Variants in SLC18A1 observed in about 807,000 individuals in gnomAD.
The protein encoded by SLC18A1 is solute carrier family 18 member A1, also known as chromaffin granule amine transporter.
SLC18A1 carries 69 observed loss-of-function variants against 53.7 expected under a neutral mutation model. That is an observed-to-expected ratio of 1.28 (90% CI 1.06 to 1.57). The LOEUF is 1.57. SLC18A1 is among the 40% of genes most tolerant of loss of function. SLC18A1 has a pLI of 0.00. For synonymous variants in SLC18A1, 320 were observed against 248.1 expected, an observed-to-expected ratio of 1.29 and a Z score of -2.72; for missense variants, 932 against 668.1, an observed-to-expected ratio of 1.40 and a Z score of -4.35.
chr8:20,180,730 C>T, intron 2 of SLC18A1, 111 bp downstream of exon 2: 1 of 1,383,846 alleles, frequency 7.2e-7, no homozygotes, highest in South Asian at 1.3e-5. Context: ...TGTTTTTGAG[C>T]ATAAAAAGGA....
At chr8:20,153,939 G>T (rs1355149115) in intron 10 of SLC18A1, among the ~76,000 whole-genome samples, 1 of 152,196 alleles carries the variant, frequency 6.6e-6, no homozygotes, top group Non-Finnish European at 1.5e-5. Flanking sequence ...GTGGGGCTGA[G>T]TGGGAGGTGT....
chr8:20,178,379 T>C, intron 4 of SLC18A1, 56 bp downstream of exon 4: 1 of 1,422,508 alleles, frequency 7.0e-7, no homozygotes, highest in Non-Finnish European at 9.8e-7. Flanking sequence ...CCGCATTCAC[T>C]TGATAAAATC....
At chr8:20,177,752 C>T (rs530454078) in intron 4 of SLC18A1, among the ~76,000 whole-genome samples, 1 of 152,306 alleles carries the variant, frequency 6.6e-6, no homozygotes, top group African/African-American at 2.4e-5. Context: ...GCTGCCTTCC[C>T]CTGCCTTAAC....
chr8:20,161,796 G>A (rs959460448), intron 10 of SLC18A1, among the ~76,000 whole-genome samples: 2 of 152,190 alleles, frequency 1.3e-5, no homozygotes, highest in African/African-American at 4.8e-5. Flanking sequence ...TGGGCACACT[G>A]GAGTGGAGTT....
At chr8:20,159,250 G>T (rs374447490) in intron 10 of SLC18A1, among the ~76,000 whole-genome samples, 1 of 152,060 alleles carries the variant, frequency 6.6e-6, no homozygotes, top group Non-Finnish European at 1.5e-5. Flanking sequence ...CAGTTAGAGC[G>T]GTCATCAGCC....
intron 4 of SLC18A1, among the ~76,000 whole-genome samples, chr8:20,176,965 T>C (rs2072267563): frequency 6.6e-6 from 1 of 152,188 alleles, no homozygotes; most frequent in Non-Finnish European, 1.5e-5. Flanking sequence ...CAGGCAACCA[T>C]CATATACACT....
chr8:20,172,403 C>A (rs2072146448), intron 6 of SLC18A1, among the ~76,000 whole-genome samples: 1 of 152,334 alleles, frequency 6.6e-6, no homozygotes, highest in Non-Finnish European at 1.5e-5. Flanking sequence ...AGCTTGTAAG[C>A]TCCTAGAGGG....
At chr8:20,150,887 C>A in intron 10 of SLC18A1, 143 bp from the exon 11 acceptor site, 3 of 705,420 alleles carry the variant, frequency 4.3e-6, no homozygotes, top group South Asian at 1.6e-5. Flanking sequence ...GACCTTTGTG[C>A]AAACCCACAG....
chr8:20,173,178 G>T, intron 5 of SLC18A1, 50 bp from the exon 6 acceptor site: 1 of 1,344,528 alleles, frequency 7.4e-7, no homozygotes, highest in Non-Finnish European at 1.0e-6. Context: ...GCTTCTATCC[G>T]CCTCTCAGAG....
intron 3 of SLC18A1, 142 bp downstream of exon 3, chr8:20,178,979 T>C (rs139452512): frequency 4.2e-6 from 4 of 949,898 alleles, no homozygotes; most frequent in East Asian, 5.3e-5. Context: ...ATTCTTTGAG[T>C]AACGAGCTTT....
At chr8:20,159,692 T>C (rs1388146222) in intron 10 of SLC18A1, among the ~76,000 whole-genome samples, 1 of 141,890 alleles carries the variant, frequency 7.0e-6, no homozygotes, top group Non-Finnish European at 1.6e-5. Context: ...AAGAAATCTC[T>C]GAAATATGGG....
Position 20,146,343 on chromosome 8 carries a change from G to C in SLC18A1, c.1465-467C>G, listed in dbSNP as rs11989335. Among the ~76,000 whole-genome samples the C allele has an allele frequency of 8.3e-3, 1,256 of 152,176 alleles. 23 individuals are homozygous for C. Among genetic ancestry groups the C allele is most frequent in the African/African-American group, 0.027 (1,115 of 41,496 alleles). On this transcript the variant is annotated intron_variant, in intron 15 of 15. Transcript: ENST00000276373. Reference sequence around the variant, plus strand: ...CTGCATGTACATGCACCAGCCTCCCGGGGTACCTAGTATATCAACCCTTGT... The same window carrying C: ...CTGCATGTACATGCACCAGCCTCCCCGGGTACCTAGTATATCAACCCTTGT...
intron 10 of SLC18A1, among the ~76,000 whole-genome samples, chr8:20,162,658 T>A (rs2079600063): frequency 6.6e-6 from 1 of 152,258 alleles, no homozygotes; most frequent in African/African-American, 2.4e-5. Context: ...ATAACAAGGA[T>A]GGCCTTTACT....
At chr8:20,155,808 C>T (rs916672625) in intron 10 of SLC18A1, among the ~76,000 whole-genome samples, 1 of 152,082 alleles carries the variant, frequency 6.6e-6, no homozygotes, top group Non-Finnish European at 1.5e-5. Context: ...CCTTAGGCAC[C>T]AAGGCTATGA....
Position 20,179,485 on chromosome 8 carries a change from C to A in SLC18A1, c.125-1G>T. The A allele has an allele frequency of 6.2e-7, 1 of 1,606,136 alleles. No individual in the cohort carries two copies. The stretch of plus-strand genomic sequence containing the variant: ...TATAGGAAGGTGGGCACAATTGGCA[C>A]TGAAAGTCAAAGAGGACAGGTGATG... On this transcript the variant is annotated splice_acceptor_variant, in intron 2 of 15. Coordinates refer to ENST00000276373, the MANE Select transcript of SLC18A1 (RefSeq NM_003053.4). LOFTEE classifies it high-confidence loss of function.
chr8:20,173,112 G>C lies in SLC18A1; in HGVS notation c.648C>G (p.Ala216=). Residue 216 remains alanine (A), a synonymous_variant, in exon 6 of 16, where the codon GCC becomes GCG. Transcript: ENST00000276373. ...FSSVAGLGML[A]SVYTDDHERG... is the part of the protein sequence containing the mutation. ...TCTCATGGTCATCAGTGTAGACACT[G>C]GCCAGCATTCCAAGACCTGCGCAGA... 1 of 1,575,030 alleles carries C rather than the reference G, an allele frequency of 6.3e-7. No homozygotes were observed. The highest frequency in any genetic ancestry group is 2.3e-5 in the East Asian group (1 of 42,590).
At position 20,166,330 on chromosome 8, in the gene SLC18A1, T is replaced by C. The variant is rs1185661372; in HGVS notation, c.859-1223A>G. Among the ~76,000 whole-genome samples, 129 of 77,980 alleles carry C rather than the reference T, an allele frequency of 1.7e-3. 3 individuals are homozygous for C. Among genetic ancestry groups the C allele is most frequent in the African/African-American group, 7.6e-3 (126 of 16,572 alleles). 51.2% of individuals were successfully genotyped at this position (77,980 alleles called of 152,430 possible). A position where few individuals can be genotyped will look rare whatever the true frequency, so the allele number is the denominator to read the frequency against. On this transcript the variant is annotated intron_variant, in intron 8 of 15. Coordinates refer to ENST00000276373, the MANE Select transcript of SLC18A1 (RefSeq NM_003053.4). ...ATATATATATATATATATATATATA[T>C]ACACCACCAGGTGGAAAATAATAAG...
At chr8:20,154,068 T>A (rs927516514) in intron 10 of SLC18A1, among the ~76,000 whole-genome samples, 1 of 152,146 alleles carries the variant, frequency 6.6e-6, no homozygotes, top group East Asian at 1.9e-4. Context: ...GAGCTGGGCC[T>A]CCTGAGGCCC....
intron 4 of SLC18A1, among the ~76,000 whole-genome samples, chr8:20,174,668 C>A (rs371608928): frequency 9.2e-5 from 14 of 152,214 alleles, no homozygotes; most frequent in African/African-American, 3.4e-4. Flanking sequence ...AAGTATAAAC[C>A]GAGTCACCAC....
Sources: gnomAD v4.1 joint callset for allele counts (sites outside exome capture counted in the v4.1 genomes callset) on GRCh38, gnomAD v4.1.1 for gene constraint, MANE v1.5 for transcripts, NCBI Gene and HGNC (gene_info 2026-07-23, HGNC 2026-07-21) for gene names.